Variants in DCN observed in about 807,000 individuals in gnomAD.
The protein encoded by DCN is decorin.
DCN carries 17 observed loss-of-function variants against 36.5 expected under a neutral mutation model. The ratio of observed to expected loss-of-function variants is 0.47; its 90% CI spans 0.32 to 0.70. The LOEUF is 0.70. Ranked by LOEUF, DCN falls within the 30% of genes least tolerant of loss-of-function variation. DCN has a pLI of 0.04. For missense variants in DCN, 389 were observed against 430.1 expected (o/e 0.90, Z 0.84); for synonymous variants, 163 against 161.4 (o/e 1.01, Z -0.07).
chr12:91,178,319 A>G (rs1375754923), intron 2 of DCN, 23 bp downstream of exon 2: 2 of 1,599,218 alleles, frequency 1.3e-6, no homozygotes, highest in Admixed American at 1.7e-5. Flanking sequence ...AAGGTAGGTA[A>G]AGAGAAACTG....
At chr12:91,177,577 G>T (rs1257277957) in intron 2 of DCN, 1 of 702,166 alleles carries the variant, frequency 1.4e-6, no homozygotes, top group African/African-American at 1.7e-5. Flanking sequence ...TCTTTCTGGA[G>T]ATTTATCTTC....
intron 5 of DCN, 132 bp downstream of exon 5, chr12:91,156,943 C>T: frequency 1.5e-6 from 1 of 658,188 alleles, no homozygotes; most frequent in Non-Finnish European, 2.7e-6. Flanking sequence ...GAAACACTAG[C>T]AGTAATAGAG....
In DCN at chr12:91,177,561, C is replaced by T. The variant is rs1389824330; in HGVS notation, c.211+781G>A. 7.0e-5 allele frequency: 49 copies of T among 702,082 alleles called. No homozygotes were observed. The East Asian group carries it at 1.3e-3, about 18-fold the overall frequency. 43.5% of individuals were successfully genotyped at this position (702,082 alleles called of 1,614,324 possible). A position where few individuals can be genotyped will look rare whatever the true frequency, so the allele number is the denominator to read the frequency against. On this transcript the variant is annotated intron_variant, in intron 2 of 7. Transcript: ENST00000052754. ...ATTCCCCTTTGGCCCATCCACTGAG[C>T]TTCAATCTTTCTGGAGATTTATCTT...
At chr12:91,149,151 AT>A (rs1881243732) in intron 7 of DCN, among the ~76,000 whole-genome samples, 1 of 152,154 alleles carries the variant, frequency 6.6e-6, no homozygotes, top group Non-Finnish European at 1.5e-5. Flanking sequence ...AGAAAAAAAA[AT>A]GTAATCAAAT....
At chr12:91,148,749 A>T (rs904425152) in intron 7 of DCN, among the ~76,000 whole-genome samples, 1 of 147,868 alleles carries the variant, frequency 6.8e-6, no homozygotes, top group South Asian at 2.1e-4. Flanking sequence ...AAAAAAAAAA[A>T]TTTGAAATAT....
At chr12:91,163,903 T>C (rs958254046) in intron 3 of DCN, among the ~76,000 whole-genome samples, 2 of 152,184 alleles carry the variant, frequency 1.3e-5, no homozygotes, top group African/African-American at 4.8e-5. Context: ...ATCCATTTTG[T>C]GTTTTGTTCC....
intron 2 of DCN, among the ~76,000 whole-genome samples, chr12:91,178,090 A>T (rs3138169): frequency 0.14 from 21,653 of 152,060 alleles, 2,424 homozygotes; most frequent in African/African-American, 0.31. Context: ...AAATATTTTT[A>T]AAAATGATTT....
At chr12:91,154,760 T>C (rs1358814606) in intron 5 of DCN, among the ~76,000 whole-genome samples, 2 of 152,162 alleles carry the variant, frequency 1.3e-5, no homozygotes, top group Admixed American at 6.5e-5. Flanking sequence ...GAGGTTTACA[T>C]TGGGCCAAGT....
chr12:91,161,155 C>A (rs1882131673), intron 3 of DCN, among the ~76,000 whole-genome samples: 1 of 152,162 alleles, frequency 6.6e-6, no homozygotes, highest in Non-Finnish European at 1.5e-5. Context: ...CTTTATTCAT[C>A]TGATGTATAC....
chr12:91,180,783 A>C (rs1169075312), intron 1 of DCN: 3 of 152,148 alleles, frequency 2.0e-5, no homozygotes, highest in African/African-American at 7.2e-5. Flanking sequence ...TTAAAAATGC[A>C]ATGTTTATGG....
Position 91,141,672 on chromosome 12 carries a change from C to T in DCN, c.*4386G>A, listed in dbSNP as rs1280890473. The T allele has an allele frequency of 6.6e-6, 1 of 152,014 alleles. No homozygotes were observed. Among genetic ancestry groups the T allele is most frequent in the Non-Finnish European group, 1.5e-5 (1 of 67,996 alleles). 9.4% of individuals were successfully genotyped at this position (152,014 alleles called of 1,614,324 possible). A position where few individuals can be genotyped will look rare whatever the true frequency, so the allele number is the denominator to read the frequency against. On this transcript the variant is annotated 3_prime_UTR_variant, in exon 8 of 8. Transcript: ENST00000052754. Reference sequence around the variant, plus strand: ...TGCTAGTAGATATATCTGATCAAGACAAAAAAGTTGGATTATTTTGACATT... The same window carrying T: ...TGCTAGTAGATATATCTGATCAAGATAAAAAAGTTGGATTATTTTGACATT...
intron 4 of DCN, 145 bp downstream of exon 4, chr12:91,158,147 CCAAT>C (rs1270248203): frequency 4.8e-6 from 3 of 623,026 alleles, no homozygotes; most frequent in Non-Finnish European, 8.6e-6. Context: ...ATTCAAAATC[CCAAT>C]TTCTCTTGGC....
chr12:91,144,897 A>T lies in DCN; in HGVS notation c.*1161T>A, dbSNP rs1880918494. The T allele has an allele frequency of 6.6e-6, 1 of 152,236 alleles. No homozygotes were observed. The highest frequency in any genetic ancestry group is 1.5e-5 in the Non-Finnish European group (1 of 68,030). 9.4% of individuals were successfully genotyped at this position (152,236 alleles called of 1,614,324 possible). On this transcript the variant is annotated 3_prime_UTR_variant, in exon 8 of 8. Coordinates refer to ENST00000052754, the MANE Select transcript of DCN (RefSeq NM_001920.5). ...TGCACATATTTCTATGACAAAATTT[A>T]GTCCACCATATTTCAATTATTTGCT...
At chr12:91,149,213 C>A (rs1881248589) in intron 7 of DCN, among the ~76,000 whole-genome samples, 1 of 152,144 alleles carries the variant, frequency 6.6e-6, no homozygotes, top group Non-Finnish European at 1.5e-5. Flanking sequence ...TAGGAAGCTA[C>A]ATTTCACAAC....
At chr12:91,152,774 G>T (rs1231592975) in intron 6 of DCN, among the ~76,000 whole-genome samples, 1 of 151,932 alleles carries the variant, frequency 6.6e-6, no homozygotes, top group Non-Finnish European at 1.5e-5. Flanking sequence ...TTAACTTTCT[G>T]TTTGATGCAA....
At chr12:91,180,280 A>AT (rs1318617321) in intron 1 of DCN, 27 of 131,684 alleles carry the variant, frequency 2.1e-4, no homozygotes, top group African/African-American at 9.7e-4. Context: ...ATTGTAGCAT[A>AT]TTAAAAAAAA....
At chr12:91,181,990 A>T (rs1204833392) in intron 1 of DCN, among the ~76,000 whole-genome samples, 2 of 152,060 alleles carry the variant, frequency 1.3e-5, no homozygotes, top group African/African-American at 4.8e-5. Context: ...TAGAAAATTA[A>T]CCCACATCCT....
At chr12:91,168,043 G>A (rs982615907) in intron 2 of DCN, among the ~76,000 whole-genome samples, 1 of 152,088 alleles carries the variant, frequency 6.6e-6, no homozygotes, top group Non-Finnish European at 1.5e-5. Context: ...GTGTTAGCCA[G>A]GATGGTCTCG....
chr12:91,177,882 T>G (rs530514972), intron 2 of DCN: 5 of 498,818 alleles, frequency 1.0e-5, no homozygotes, highest in Non-Finnish European at 1.8e-5. Context: ...TAACTGATTA[T>G]TTTACAATTT....
Sources: gnomAD v4.1 joint callset for allele counts (sites outside exome capture counted in the v4.1 genomes callset) on GRCh38, gnomAD v4.1.1 for gene constraint, MANE v1.5 for transcripts, NCBI Gene and HGNC (gene_info 2026-07-23, HGNC 2026-07-21) for gene names.